STAG1: variants seen among roughly 807,000 people sequenced by gnomAD.
STAG1 encodes the protein STAG1 cohesin complex component, also known as cohesin subunit SA-1.
In STAG1, 26 loss-of-function variants were observed where a neutral mutation model predicts 170.9. The ratio of observed to expected loss-of-function variants is 0.15; its 90% CI spans 0.11 to 0.21. STAG1 has a LOEUF of 0.21. STAG1 is among the 10% of genes least tolerant of loss of function. STAG1 has a pLI of 1.00. For missense variants in STAG1, 964 were observed against 1,509.5 expected, an observed-to-expected ratio of 0.64 and a Z score of 5.99; for synonymous variants, 514 against 497.7, an observed-to-expected ratio of 1.03 and a Z score of -0.44.
chr3:136,491,274 T>C (rs370640831), intron 9 of STAG1, among the ~76,000 whole-genome samples: 4 of 152,248 alleles, frequency 2.6e-5, no homozygotes, highest in Admixed American at 6.5e-5. Flanking sequence ...CACACTACCA[T>C]GACCAAGGGC....
At chr3:136,619,828 G>A (rs1184815502) in intron 3 of STAG1, among the ~76,000 whole-genome samples, 1 of 151,362 alleles carries the variant, frequency 6.6e-6, no homozygotes, top group Non-Finnish European at 1.5e-5. Context: ...CACTTTGGGA[G>A]GCTGAGGTGG....
intron 9 of STAG1, among the ~76,000 whole-genome samples, chr3:136,498,654 G>A (rs1370589020): frequency 1.3e-5 from 2 of 151,154 alleles, no homozygotes; most frequent in South Asian, 2.1e-4. Flanking sequence ...ACTTAAATGT[G>A]CAGTTTATTT....
chr3:136,487,919 G>A (rs1404189128), intron 9 of STAG1, among the ~76,000 whole-genome samples: 1 of 152,140 alleles, frequency 6.6e-6, no homozygotes, highest in Non-Finnish European at 1.5e-5. Context: ...GGTGCTCTAT[G>A]GAAAGCTCCA....
intron 15 of STAG1, among the ~76,000 whole-genome samples, chr3:136,434,461 T>C (rs1421060877): frequency 6.6e-6 from 1 of 152,236 alleles, no homozygotes; most frequent in Non-Finnish European, 1.5e-5. Context: ...ATATATTTTC[T>C]ATTTTTCCCT....
chr3:136,484,948 G>A (rs1235596241), intron 9 of STAG1, among the ~76,000 whole-genome samples: 7 of 152,052 alleles, frequency 4.6e-5, no homozygotes, highest in East Asian at 2.0e-4. Context: ...CGCACGGTGC[G>A]CGCACACACT....
At chr3:136,594,905 G>C (rs566314817) in intron 4 of STAG1, among the ~76,000 whole-genome samples, 7 of 152,032 alleles carry the variant, frequency 4.6e-5, no homozygotes, top group Non-Finnish European at 1.0e-4. Flanking sequence ...TGAGTAGCTG[G>C]GACTACAGAC....
chr3:136,506,476 C>CAAAAAA (rs11414654), intron 7 of STAG1, among the ~76,000 whole-genome samples: 1 of 85,336 alleles, frequency 1.2e-5, no homozygotes, highest in Non-Finnish European at 2.4e-5. Flanking sequence ...ACTAAAAATA[C>CAAAAAA]AAAAAAAAAA....
intron 9 of STAG1, among the ~76,000 whole-genome samples, chr3:136,498,282 CAT>C (rs1491431718): frequency 0.099 from 9,953 of 100,404 alleles, 827 homozygotes; most frequent in South Asian, 0.15. Flanking sequence ...ACCACACACA[CAT>C]ACACACACAC....
rs142848670 is a variant in STAG1 at position 136,691,655 on chromosome 3, G to A, written c.-84+60540C>T. Among the ~76,000 whole-genome samples the A allele has an allele frequency of 4.7e-3, 711 of 152,312 alleles. 13 individuals are homozygous for A. The highest frequency in any genetic ancestry group is 0.031 in the Admixed American group (482 of 15,304). The stretch of plus-strand genomic sequence containing the variant: ...GCAGGATGTCCTGAATCCATTCAGC[G>A]TCCAAATGTAGTCTTGTTTCAAGAA... On this transcript the variant is annotated intron_variant, in intron 1 of 33. Transcript: ENST00000383202.
At chr3:136,357,514 T>C (rs914775626) in intron 28 of STAG1, among the ~76,000 whole-genome samples, 1 of 152,250 alleles carries the variant, frequency 6.6e-6, no homozygotes, top group African/African-American at 2.4e-5. Flanking sequence ...CTTAATTTCA[T>C]GTTGCAGATT....
At chr3:136,557,340 G>C (rs956006514) in intron 5 of STAG1, among the ~76,000 whole-genome samples, 1 of 152,118 alleles carries the variant, frequency 6.6e-6, no homozygotes, top group Non-Finnish European at 1.5e-5. Context: ...CTTGATATAT[G>C]CTAATGGGGT....
intron 13 of STAG1, among the ~76,000 whole-genome samples, chr3:136,464,620 C>G (rs938410132): frequency 6.6e-6 from 1 of 152,152 alleles, no homozygotes; most frequent in Non-Finnish European, 1.5e-5. Flanking sequence ...AAATTTCATG[C>G]ATTCCTCCAA....
chr3:136,714,993 T>TTATA (rs1359466713), intron 1 of STAG1, among the ~76,000 whole-genome samples: 3 of 110,784 alleles, frequency 2.7e-5, no homozygotes, highest in Non-Finnish European at 4.1e-5. Context: ...TATATATATT[T>TTATA]TATATATATA....
At chr3:136,676,217 G>C (rs1300066257) in intron 1 of STAG1, among the ~76,000 whole-genome samples, 1 of 152,224 alleles carries the variant, frequency 6.6e-6, no homozygotes, top group Non-Finnish European at 1.5e-5. Flanking sequence ...TGAGTGAGTA[G>C]TGAGTGAATG....
chr3:136,539,281 T>C (rs1047847108), intron 6 of STAG1, among the ~76,000 whole-genome samples: 2 of 152,204 alleles, frequency 1.3e-5, no homozygotes, highest in Admixed American at 6.5e-5. Flanking sequence ...ACCATTTTTA[T>C]ACTTATTAAT....
At chr3:136,502,554 C>T in intron 8 of STAG1, 74 bp downstream of exon 8, 2 of 1,458,326 alleles carry the variant, frequency 1.4e-6, no homozygotes, top group African/African-American at 1.4e-5. Context: ...TTACAGGGAA[C>T]TTAAAAAGTA....
intron 22 of STAG1, among the ~76,000 whole-genome samples, chr3:136,385,078 T>C (rs521746): frequency 0.37 from 56,271 of 152,160 alleles, 12,706 homozygotes; most frequent in East Asian, 0.81. Flanking sequence ...CTTATATTGA[T>C]GCTTCCTTTC....
intron 13 of STAG1, among the ~76,000 whole-genome samples, chr3:136,461,103 A>C (rs900647671): frequency 2.6e-5 from 4 of 152,220 alleles, no homozygotes; most frequent in African/African-American, 9.6e-5. Flanking sequence ...CCCTCTCAAC[A>C]GAGAAAAAGC....
chr3:136,602,180 AC>A (rs1293691846), intron 4 of STAG1, among the ~76,000 whole-genome samples: 1 of 152,030 alleles, frequency 6.6e-6, no homozygotes, highest in African/African-American at 2.4e-5. Context: ...GGAGATCGAG[AC>A]CGTCCTGGCC....
Sources: allele counts gnomAD v4.1 joint callset (sites outside exome capture counted in the v4.1 genomes callset), GRCh38; gene constraint gnomAD v4.1.1; transcripts MANE v1.5; gene names NCBI Gene and HGNC (gene_info 2026-07-23, HGNC 2026-07-21).